RLF: variants seen among roughly 807,000 people sequenced by gnomAD.
RLF encodes RLF zinc finger, also known as zinc finger protein Rlf.
Under a neutral mutation model 162.9 loss-of-function variants are expected in RLF, and 7 were observed. That is an observed-to-expected ratio of 0.04 (90% confidence interval 0.02 to 0.08). RLF has a LOEUF of 0.08. RLF is among the 10% of genes least tolerant of loss of function. RLF has a pLI of 1.00. For synonymous variants in RLF, 782 were observed against 791.5 expected (o/e 0.99, Z 0.20); for missense variants, 1,664 against 2,244.7 (o/e 0.74, Z 5.23).
At chr1:40,186,368 C>T (rs150086545) in intron 1 of RLF, among the ~76,000 whole-genome samples, 1 of 152,100 alleles carries the variant, frequency 6.6e-6, no homozygotes, top group Non-Finnish European at 1.5e-5. Context: ...TATAAGAGAT[C>T]TCACTACTTA....
intron 7 of RLF, among the ~76,000 whole-genome samples, chr1:40,233,644 T>C (rs975712392): frequency 3.9e-5 from 6 of 152,302 alleles, no homozygotes; most frequent in Non-Finnish European, 8.8e-5. Context: ...CTATATTCTT[T>C]AGGCCACTAC....
At chr1:40,216,328 C>T (rs1206012265) in intron 5 of RLF, among the ~76,000 whole-genome samples, 1 of 151,902 alleles carries the variant, frequency 6.6e-6, no homozygotes, top group Admixed American at 6.6e-5. Flanking sequence ...ACTAAAAATA[C>T]AAAAAACAAA....
At chr1:40,216,480 CTCTG>C (rs1465308276) in intron 5 of RLF, among the ~76,000 whole-genome samples, 8 of 146,028 alleles carry the variant, frequency 5.5e-5, no homozygotes, top group African/African-American at 2.0e-4. Context: ...AAGAGCGAAA[CTCTG>C]TCTAAAAAAA....
chr1:40,231,712 G>A, intron 7 of RLF, 54 bp downstream of exon 7: 27 of 1,469,594 alleles, frequency 1.8e-5, no homozygotes, highest in South Asian at 9.1e-5. Context: ...GAAATGAGTG[G>A]GAAGATAACT....
In RLF at chr1:40,236,144, A is replaced by G; in HGVS notation, c.1442A>G (p.Gln481Arg). 6.2e-7 allele frequency: 1 copy of G among 1,613,996 alleles called. No homozygotes were observed. The highest frequency in any genetic ancestry group is 8.5e-7 in the Non-Finnish European group (1 of 1,179,986). The change falls in exon 8 of 8, where the codon CAA becomes CGA. Residue 481 changes from glutamine to arginine, a missense_variant. Gln to Arg is a conservative substitution (Grantham distance 43). Transcript: ENST00000372771. The surrounding 1 kb of genome is among the most constrained non-coding windows in gnomAD (Gnocchi z 7.7). The part of the protein sequence containing the change: ...DWKTLKRHCH[Q>R]LLGQEASDSD... ...AAAACTTTAAAACGACACTGCCACC[A>G]ACTTTTAGGACAAGAAGCCTCAGAT...
chr1:40,221,967 T>C (rs933810406), intron 5 of RLF, among the ~76,000 whole-genome samples: 36 of 151,276 alleles, frequency 2.4e-4, no homozygotes, highest in Non-Finnish European at 4.9e-4. Context: ...GTCCAGAGGA[T>C]TTTTATTTGT....
At chr1:40,185,551 G>A (rs1342092126) in intron 1 of RLF, among the ~76,000 whole-genome samples, 1 of 125,584 alleles carries the variant, frequency 8.0e-6, no homozygotes, top group African/African-American at 2.9e-5. Flanking sequence ...AAAGCCGGGC[G>A]CAGTGGCTCC....
chr1:40,224,622 GCTTTT>G lies in RLF; in HGVS notation c.947+1913_947+1917del, dbSNP rs1210197960. ...TTTTCCCCTTCCATTGTTTTTGAAA[GCTTTT>G]TTTTTTTTTTTTTTTTTTTTTTTTT... On this transcript the variant is annotated intron_variant, in intron 6 of 7. Coordinates refer to ENST00000372771, the MANE Select transcript of RLF (RefSeq NM_012421.4). 3.7e-4 allele frequency among the ~76,000 whole-genome samples: 5 copies of G among 13,514 alleles called. No individual in the cohort carries two copies. In the East Asian group the frequency reaches 0.017, roughly 47 times the overall value. The allele number at this position is 13,514 out of a possible 152,430, so 8.9% of individuals were successfully genotyped here. A position where few individuals can be genotyped will look rare whatever the true frequency, so the allele number is the denominator to read the frequency against.
chr1:40,235,675 T>G (rs1415348683), intron 7 of RLF, 117 bp from the exon 8 acceptor site: 3 of 682,466 alleles, frequency 4.4e-6, no homozygotes, highest in African/African-American at 1.9e-5. Flanking sequence ...GAAGAAAGAT[T>G]TAAGATAAAA....
rs150039927 is a variant in RLF, at chr1:40,236,633, A to G, written c.1931A>G (p.Asn644Ser). The G allele has an allele frequency of 3.6e-5, 58 of 1,614,160 alleles. No homozygotes were observed. The African/African-American group carries it at 6.9e-4, about 19-fold the overall frequency. The change falls in exon 8 of 8, where the codon AAT becomes AGT. Residue 644 changes from asparagine to serine, a missense_variant. By Grantham distance (46) the Asn-to-Ser change is conservative (BLOSUM62 1). Around this residue, in one of 15 missense-constraint regions of RLF, gnomAD observed 50 missense variants for 46.7 expected, o/e 1.07. Coordinates refer to ENST00000372771, the MANE Select transcript of RLF (RefSeq NM_012421.4). This position sits in a 1 kb window ranked among gnomAD's most constrained non-coding sequence, Gnocchi z 7.7. ...ATCCCAGAGCAAAACCATTCATTGA[A>G]TGACCAAGCCAAAGGAGAGTCTCAT... ...SAIPEQNHSL[N>S]DQAKGESHEY...
At chr1:40,233,844 A>C (rs749045079) in intron 7 of RLF, among the ~76,000 whole-genome samples, 15 of 151,672 alleles carry the variant, frequency 9.9e-5, no homozygotes, top group Non-Finnish European at 7.4e-5. Flanking sequence ...ATTACACTTG[A>C]CTAGTTTTAA....
At chr1:40,195,493 G>C in intron 3 of RLF, 139 bp from the exon 4 acceptor site, 1 of 626,610 alleles carries the variant, frequency 1.6e-6, no homozygotes. Flanking sequence ...AAGGCTTTGA[G>C]TATAGTCTTT....
chr1:40,227,773 G>A (rs966303520), intron 6 of RLF, among the ~76,000 whole-genome samples: 1 of 152,082 alleles, frequency 6.6e-6, no homozygotes, highest in Non-Finnish European at 1.5e-5. Flanking sequence ...GGGAGGCCAG[G>A]GCAGGTGGAT....
At chr1:40,204,173 G>A (rs773026403) in intron 5 of RLF, among the ~76,000 whole-genome samples, 2 of 151,182 alleles carry the variant, frequency 1.3e-5, no homozygotes, top group African/African-American at 2.4e-5. Flanking sequence ...CCACCACCAC[G>A]CCTGGCTAAT....
intron 5 of RLF, among the ~76,000 whole-genome samples, chr1:40,209,293 G>C (rs1056211817): frequency 1.3e-5 from 2 of 152,198 alleles, no homozygotes; most frequent in Admixed American, 6.5e-5. Flanking sequence ...GCCTTGGCCA[G>C]GTAGCTTTAT....
intron 4 of RLF, among the ~76,000 whole-genome samples, chr1:40,198,651 T>C (rs921361504): frequency 1.3e-5 from 2 of 152,174 alleles, no homozygotes; most frequent in Non-Finnish European, 2.9e-5. Flanking sequence ...CATAATGAAG[T>C]ATATAGTATA....
chr1:40,187,564 G>T (rs1436440765), intron 1 of RLF, among the ~76,000 whole-genome samples: 1 of 152,146 alleles, frequency 6.6e-6, no homozygotes, highest in Non-Finnish European at 1.5e-5. Flanking sequence ...ATACTTAATT[G>T]AGTAGGTCGG....
chr1:40,167,286 A>G (rs1306055421), intron 1 of RLF, among the ~76,000 whole-genome samples: 2 of 152,188 alleles, frequency 1.3e-5, no homozygotes, highest in Non-Finnish European at 2.9e-5. Flanking sequence ...CCTCTTTCAT[A>G]TATTTCAAGA....
chr1:40,240,195 C>T lies in RLF; in HGVS notation c.5493C>T (p.Ser1831=), dbSNP rs1044849247. The part of the protein sequence containing the change: ...SEPEVDIPHS[S]SDSTIHENLT... ...CTGAAGTTGACATACCTCATTCTTC[C>T]AGTGACTCTACAATTCATGAGAACC... The change falls in exon 8 of 8, where the codon TCC becomes TCT. Residue 1831 remains serine (S), a synonymous_variant. Transcript: ENST00000372771. 6.2e-7 allele frequency: 1 copy of T among 1,613,994 alleles called. No individual in the cohort carries two copies. The highest frequency in any genetic ancestry group is 1.3e-5 in the African/African-American group (1 of 74,910).
Sources: gnomAD v4.1 joint callset for allele counts (sites outside exome capture counted in the v4.1 genomes callset) on GRCh38, gnomAD v4.1.1 for gene constraint, gnomAD v4.1.1 regional missense constraint, Gnocchi (gnomAD v3.1) non-coding constraint, MANE v1.5 for transcripts, NCBI Gene and HGNC (gene_info 2026-07-23, HGNC 2026-07-21) for gene names.